Variants in KIFC2 observed in about 807,000 individuals in gnomAD.
KIFC2 encodes kinesin family member C2.
KIFC2 carries 94 observed loss-of-function variants against 91.5 expected under a neutral mutation model. The observed-to-expected ratio is 1.03, with a 90% CI of 0.87 to 1.22. The LOEUF is 1.22. Ranked by LOEUF, KIFC2 falls within the 50% of genes most tolerant of loss-of-function variation. The pLI is 0.00. For missense variants in KIFC2, 1,357 were observed against 1,103.3 expected, an observed-to-expected ratio of 1.23 and a Z score of -3.26; for synonymous variants, 729 against 503.9, an observed-to-expected ratio of 1.45 and a Z score of -5.98.
chr8:144,469,884 G>T (rs2130001196), intron 12 of KIFC2, among the ~76,000 whole-genome samples: 1 of 152,356 alleles, frequency 6.6e-6, no homozygotes, highest in South Asian at 2.1e-4. Context: ...GGGGTCCAGG[G>T]TTTGCCCAGC....
rs1453355436 is a variant in KIFC2, at chr8:144,468,771, C to G, written c.1050C>G (p.Leu350=). ...GCCTGCGTCAGGGCTGCGGGGACCT[C>G]CGAGGTTTGGTCAGCACCTTTACCC... is the stretch of plus-strand genomic sequence containing the variant. ...MASLRQGCGD[L]RGLVSTFTQS... Residue 350 remains leucine, a synonymous_variant, in exon 10 of 18, where the codon CTC becomes CTG. Transcript: ENST00000645548. 6.2e-7 allele frequency: 1 copy of G among 1,613,978 alleles called. No homozygotes were observed. Among genetic ancestry groups the G allele is most frequent in the East Asian group, 2.2e-5 (1 of 44,888 alleles).
At position 144,468,319 on chromosome 8, in the gene KIFC2, C is replaced by A; in HGVS notation, c.811-10C>A. ...TCTCTGAGTCCCTCCTGGCCCCCAC[C>A]CTCCCGCAGGAGGAGGCAGAGGCAT... On this transcript the variant is annotated splice_polypyrimidine_tract_variant and intron_variant, in intron 7 of 17. Coordinates refer to ENST00000645548, the MANE Select transcript of KIFC2 (RefSeq NM_001369769.2). The A allele has an allele frequency of 6.2e-7, 1 of 1,606,260 alleles. No homozygotes were observed. Among genetic ancestry groups the A allele is most frequent in the Non-Finnish European group, 8.5e-7 (1 of 1,176,942 alleles).
intron 13 of KIFC2, 35 bp from the exon 14 acceptor site, chr8:144,472,103 A>T: frequency 6.2e-7 from 1 of 1,613,000 alleles, no homozygotes; most frequent in Non-Finnish European, 8.5e-7. Context: ...CATGACTTGG[A>T]TGTGAGCCCG....
At chr8:144,470,380 G>A (rs766703212) in intron 12 of KIFC2, among the ~76,000 whole-genome samples, 3 of 152,234 alleles carry the variant, frequency 2.0e-5, no homozygotes, top group Non-Finnish European at 4.4e-5. Flanking sequence ...CTGGACAGCC[G>A]TCCTGGACAG....
chr8:144,472,321 C>T (rs1824959293), intron 14 of KIFC2, 40 bp from the exon 15 acceptor site: 1 of 1,613,474 alleles, frequency 6.2e-7, no homozygotes, highest in Admixed American at 1.7e-5. Context: ...TCCGGATTTC[C>T]AGAGAATTCT....
chr8:144,469,495 A>G lies in KIFC2; in HGVS notation c.1228A>G (p.Ile410Val). The G allele has an allele frequency of 6.2e-7, 1 of 1,613,996 alleles. No homozygotes were observed. Among genetic ancestry groups the G allele is most frequent in the Non-Finnish European group, 8.5e-7 (1 of 1,180,010 alleles). Residue 410 changes from isoleucine (I) to valine (V), a missense_variant, in exon 12 of 18, where the codon ATC (isoleucine) becomes GTC (valine). Coordinates refer to ENST00000645548, the MANE Select transcript of KIFC2 (RefSeq NM_001369769.2). Reference protein sequence around the residue: ...PGRLPELKGNIRVLCRLRPGT... With the variant: ...PGRLPELKGNVRVLCRLRPGT... ...TGACCTGATCCCCACTGCAGGAAAT[A>G]TCCGTGTGCTGTGTCGGCTGAGGCC...
In KIFC2 at chr8:144,474,060, T is replaced by C. The variant is rs1379886988; in HGVS notation, c.*671T>C. The C allele has an allele frequency of 8.3e-6, 5 of 603,682 alleles. No individual in the cohort carries two copies. Among genetic ancestry groups the C allele is most frequent in the Non-Finnish European group, 1.2e-5 (4 of 342,250 alleles). 37.4% of individuals were successfully genotyped at this position (603,682 alleles called of 1,614,324 possible). A position where few individuals can be genotyped will look rare whatever the true frequency, so the allele number is the denominator to read the frequency against. On this transcript the variant is annotated 3_prime_UTR_variant, in exon 18 of 18. Transcript: ENST00000645548. ...GCATGACAGACCAGGGTGAGGGTTG[T>C]GCCCAGCTGGGCCACGGCCATGCGT...
Position 144,466,983 on chromosome 8 carries a change from C to G in KIFC2, c.203C>G (p.Ser68Trp). ...LAASSEPEDG[S>W]EGAAEGRAAA... The stretch of plus-strand genomic sequence containing the variant: ...GCCAGCTCCGAGCCTGAGGATGGGT[C>G]GGAAGGCGCAGCCGAGGGCCGCGCG... The change falls in exon 3 of 18, where the codon TCG becomes TGG. Residue 68 changes from serine to tryptophan, a missense_variant. Physicochemically the swap from Ser to Trp is radical, Grantham distance 177 (BLOSUM62 -3). Coordinates refer to ENST00000645548, the MANE Select transcript of KIFC2 (RefSeq NM_001369769.2). 2 of 1,596,278 alleles carry G rather than the reference C, an allele frequency of 1.3e-6. No homozygotes were observed. The highest frequency in any genetic ancestry group is 1.7e-6 in the Non-Finnish European group (2 of 1,176,652).
At chr8:144,468,689 G>A (rs776423769) in intron 9 of KIFC2, 36 bp from the exon 10 acceptor site, 6 of 1,612,368 alleles carry the variant, frequency 3.7e-6, no homozygotes, top group Middle Eastern at 1.7e-4. Flanking sequence ...GGCCCTGGAG[G>A]CTGGGCCTTC....
chr8:144,468,365 C>T lies in KIFC2; in HGVS notation c.847C>T (p.Leu283Phe). The change falls in exon 8 of 18, where the codon CTT (leucine) becomes TTT (phenylalanine). Residue 283 changes from leucine to phenylalanine, a missense_variant. By Grantham distance (22) the Leu-to-Phe change is conservative. Transcript: ENST00000645548. ...GGCATTGCTAGAGCTCCAGGGCCGG[C>T]TTCAGGAGGCCCAAGACACCACAGA... ...AEALLELQGR[L>F]QEAQDTTEAL... 1 of 1,612,870 alleles carries T rather than the reference C, an allele frequency of 6.2e-7. No individual in the cohort carries two copies. Among genetic ancestry groups the T allele is most frequent in the Non-Finnish European group, 8.5e-7 (1 of 1,179,828 alleles).
chr8:144,468,896 G>A (rs548223953), intron 10 of KIFC2, 62 bp downstream of exon 10: 75 of 1,405,102 alleles, frequency 5.3e-5, no homozygotes, highest in South Asian at 4.4e-4. Flanking sequence ...TTCTTTTGAC[G>A]GGGGCGTTCC....
intron 14 of KIFC2, 29 bp downstream of exon 14, chr8:144,472,288 C>G: frequency 6.2e-7 from 1 of 1,613,418 alleles, no homozygotes; most frequent in African/African-American, 1.3e-5. Context: ...GAGGCCTTCT[C>G]CCCACCCCTG....
At chr8:144,468,082 G>A (rs772955446) in intron 7 of KIFC2, 95 bp downstream of exon 7, 23 of 1,420,366 alleles carry the variant, frequency 1.6e-5, no homozygotes, top group Admixed American at 8.5e-5. Flanking sequence ...AGGACCTCCC[G>A]GGATGGTCTG....
chr8:144,472,496 C>G lies in KIFC2; in HGVS notation c.1731+12C>G. On this transcript the variant is annotated intron_variant, in intron 15 of 17. Transcript: ENST00000645548. ...AGACATTGCACCAGGTAGGGCTGCA[C>G]CGCTCTCCGAGACCCCGCCCCGTGC... 8 of 1,611,348 alleles carry G rather than the reference C, an allele frequency of 5.0e-6. No homozygotes were observed. Among genetic ancestry groups the G allele is most frequent in the Non-Finnish European group, 5.9e-6 (7 of 1,179,142 alleles).
Position 144,466,364 on chromosome 8 carries a change from TGGGCGCGG to T in KIFC2, c.-53_-46del. ...CACTGCGGCGGGCGGGCGCCGAGTC[TGGGCGCGG>T]GGACGCGGGGCGGCGCGAAGCGGGG... On this transcript the variant is annotated 5_prime_UTR_variant, in exon 1 of 18. Coordinates refer to ENST00000645548, the MANE Select transcript of KIFC2 (RefSeq NM_001369769.2). 2 of 728,552 alleles carry T rather than the reference TGGGCGCGG, an allele frequency of 2.7e-6. No homozygotes were observed. The allele number at this position is 728,552 out of a possible 1,614,324, so 45.1% of individuals were successfully genotyped here. A position where few individuals can be genotyped will look rare whatever the true frequency, so the allele number is the denominator to read the frequency against.
rs1824792152 is a variant in KIFC2 at position 144,468,607 on chromosome 8, G to C, written c.960G>C (p.Gln320His). The C allele has an allele frequency of 1.9e-6, 3 of 1,613,262 alleles. No individual in the cohort carries two copies. The highest frequency in any genetic ancestry group is 2.5e-6 in the Non-Finnish European group (3 of 1,179,644). The change falls in exon 9 of 18, where the codon CAG becomes CAC. Residue 320 changes from glutamine (Q) to histidine (H), a missense_variant. By Grantham distance (24) the Gln-to-His change is conservative. Coordinates refer to ENST00000645548, the MANE Select transcript of KIFC2 (RefSeq NM_001369769.2). ...ALQQLQQETE[Q>H]NCRRELQQMH... The stretch of plus-strand genomic sequence containing the variant: ...AGCAGCTCCAGCAGGAGACGGAGCA[G>C]AACTGCAGGCGTGAGCTACAGCAGA...
rs368758510 is a variant in KIFC2, at chr8:144,469,474, C to T, written c.1223-16C>T. ...AGGGTCTGCGAGGCATTATGCTGAC[C>T]TGATCCCCACTGCAGGAAATATCCG... On this transcript the variant is annotated splice_polypyrimidine_tract_variant and intron_variant, in intron 11 of 17. Transcript: ENST00000645548. 1.0e-4 allele frequency: 167 copies of T among 1,613,844 alleles called. No homozygotes were observed. Among genetic ancestry groups the T allele is most frequent in the Non-Finnish European group, 1.0e-4 (122 of 1,180,028 alleles).
chr8:144,473,646 AT>A lies in KIFC2; in HGVS notation c.*258del. 1 of 507,942 alleles carries A rather than the reference AT, an allele frequency of 2.0e-6. No homozygotes were observed. The highest frequency in any genetic ancestry group is 3.3e-6 in the Non-Finnish European group (1 of 302,618). 31.5% of individuals were successfully genotyped at this position (507,942 alleles called of 1,614,324 possible). A position where few individuals can be genotyped will look rare whatever the true frequency, so the allele number is the denominator to read the frequency against. On this transcript the variant is annotated 3_prime_UTR_variant, in exon 18 of 18. Transcript: ENST00000645548. The stretch of plus-strand genomic sequence containing the variant: ...TTTCTCCTTATCACCATTTGCTGTT[AT>A]CACGGCACACAGCAGGGAATCCCAG...
intron 7 of KIFC2, 147 bp from the exon 8 acceptor site, chr8:144,468,182 G>A (rs1184652428): frequency 2.0e-6 from 2 of 1,013,290 alleles, no homozygotes; most frequent in Non-Finnish European, 2.9e-6. Context: ...GGAGAGCAGA[G>A]GGACTGTGGG....
Sources: gnomAD v4.1 joint callset for allele counts (sites outside exome capture counted in the v4.1 genomes callset) on GRCh38, gnomAD v4.1.1 for gene constraint, MANE v1.5 for transcripts, NCBI Gene and HGNC (gene_info 2026-07-23, HGNC 2026-07-21) for gene names.